Variants in SMAD5 observed in about 807,000 individuals in gnomAD.
SMAD5 encodes SMAD family member 5, also known as MAD, mothers against decapentaplegic homolog 5.
A neutral mutation model predicts 43.1 loss-of-function variants in SMAD5; 9 were observed. That is an observed-to-expected ratio of 0.21 (90% CI 0.13 to 0.36). SMAD5 has a LOEUF of 0.36. Among genes scored for constraint, SMAD5 ranks in the 10% least tolerant of loss-of-function variants. SMAD5 has a pLI of 1.00. For missense variants in SMAD5, 348 were observed against 574.0 expected (o/e 0.61, Z 4.02); for synonymous variants, 190 against 192.4 (o/e 0.99, Z 0.10).
At chr5:136,143,943 C>T (rs1452635181) in intron 1 of SMAD5, among the ~76,000 whole-genome samples, 1 of 151,928 alleles carries the variant, frequency 6.6e-6, no homozygotes, top group Non-Finnish European at 1.5e-5. Context: ...TCACTTTTTT[C>T]TTCTTCCACT....
Position 136,178,628 on chromosome 5 carries a change from A to T in SMAD5, c.*1148A>T, listed in dbSNP as rs1050656924. ...TAATCCCATTGCTCTTACAAGTGTC[A>T]GCTTACTTGTATCAGCCTCCCTACG... On this transcript the variant is annotated 3_prime_UTR_variant, in exon 8 of 8. Coordinates refer to ENST00000545279, the MANE Select transcript of SMAD5 (RefSeq NM_005903.7). 2 of 152,208 alleles carry T rather than the reference A, an allele frequency of 1.3e-5. No individual in the cohort carries two copies. Among genetic ancestry groups the T allele is most frequent in the Admixed American group, 6.5e-5 (1 of 15,284 alleles). The allele number at this position is 152,208 out of a possible 1,614,324, so 9.4% of individuals were successfully genotyped here.
intron 1 of SMAD5, among the ~76,000 whole-genome samples, chr5:136,138,584 CAGT>C (rs745540993): frequency 2.6e-5 from 4 of 152,238 alleles, no homozygotes; most frequent in South Asian, 4.2e-4. Flanking sequence ...GATGGTTTGA[CAGT>C]GGTGGTGGTG....
At chr5:136,170,009 T>C (rs1754159607) in intron 5 of SMAD5, among the ~76,000 whole-genome samples, 1 of 152,172 alleles carries the variant, frequency 6.6e-6, no homozygotes, top group Non-Finnish European at 1.5e-5. Context: ...TTTTATCAGA[T>C]AGAACTTTTT....
intron 1 of SMAD5, among the ~76,000 whole-genome samples, chr5:136,139,269 T>G (rs1752991954): frequency 1.3e-5 from 2 of 152,064 alleles, no homozygotes; most frequent in African/African-American, 4.8e-5. Context: ...TCCATAACCT[T>G]AGGTAAGAAC....
In SMAD5 at chr5:136,165,672, T is replaced by A. The variant is rs1281907712; in HGVS notation, c.775+2281T>A. 1.6e-3 allele frequency among the ~76,000 whole-genome samples: 98 copies of A among 60,604 alleles called. 11 individuals are homozygous for A. The highest frequency in any genetic ancestry group is 0.01 in the African/African-American group (92 of 8,858). The allele number at this position is 60,604 out of a possible 152,430, so 39.8% of individuals were successfully genotyped here. On this transcript the variant is annotated intron_variant, in intron 5 of 7. Transcript: ENST00000545279. ...AAATGGAATCATACAATTTTTTTTT[T>A]TTTTTTTTTTTTTTTTTTTTTTTTT...
chr5:136,137,596 A>G (rs775944444), intron 1 of SMAD5, among the ~76,000 whole-genome samples: 39 of 152,220 alleles, frequency 2.6e-4, no homozygotes, highest in Non-Finnish European at 4.7e-4. Flanking sequence ...CTAGTATCCT[A>G]TCTGGTAGGC....
chr5:136,148,760 T>C (rs2149765308), intron 2 of SMAD5, among the ~76,000 whole-genome samples: 1 of 151,926 alleles, frequency 6.6e-6, no homozygotes, highest in Admixed American at 6.6e-5. Context: ...TTATAAACTT[T>C]GGAAATCTTG....
In SMAD5 at chr5:136,178,417, T is replaced by TA. The variant is rs1754503874; in HGVS notation, c.*938dup. ...TAGATGCTTATCCTTACGTCCTTGG[T>TA]ACCTTTTTTGTATTAACAAACACTG... is the stretch of plus-strand genomic sequence containing the variant. On this transcript the variant is annotated 3_prime_UTR_variant, in exon 8 of 8. Transcript: ENST00000545279. 6.5e-6 allele frequency: 1 copy of TA among 152,698 alleles called. No homozygotes were observed. The highest frequency in any genetic ancestry group is 1.5e-5 in the Non-Finnish European group (1 of 68,054). The allele number at this position is 152,698 out of a possible 1,614,324, so 9.5% of individuals were successfully genotyped here. A position where few individuals can be genotyped will look rare whatever the true frequency, so the allele number is the denominator to read the frequency against.
chr5:136,140,274 C>G (rs374490822), intron 1 of SMAD5, among the ~76,000 whole-genome samples: 101 of 152,180 alleles, frequency 6.6e-4, no homozygotes, highest in African/African-American at 2.4e-3. Context: ...TTGCCCACCT[C>G]GGCCCAGGAT....
intron 3 of SMAD5, 65 bp from the exon 4 acceptor site, chr5:136,160,791 C>G: frequency 6.5e-7 from 1 of 1,541,796 alleles, no homozygotes; most frequent in African/African-American, 1.4e-5. Context: ...CTACCAACCC[C>G]TTAGTGTGGA....
At chr5:136,176,358 G>C (rs747494206) in intron 7 of SMAD5, among the ~76,000 whole-genome samples, 1 of 148,576 alleles carries the variant, frequency 6.7e-6, no homozygotes, top group Non-Finnish European at 1.5e-5. Context: ...GGGAGGCTGA[G>C]ACAGGAGAAT....
chr5:136,175,693 G>A (rs898567784), intron 7 of SMAD5, among the ~76,000 whole-genome samples: 2 of 152,164 alleles, frequency 1.3e-5, no homozygotes, highest in Admixed American at 1.3e-4. Flanking sequence ...CACACGCTGT[G>A]CATGGGTTTT....
At position 136,160,861 on chromosome 5, in the gene SMAD5, C is replaced by T; in HGVS notation, c.409C>T (p.Pro137Ser). The change falls in exon 4 of 8, where the codon CCT (proline) becomes TCT (serine). Residue 137 changes from proline to serine, a missense_variant. Physicochemically the swap from Pro to Ser is moderately conservative, Grantham distance 74. Coordinates refer to ENST00000545279, the MANE Select transcript of SMAD5 (RefSeq NM_005903.7). Reference protein sequence around the residue: ...HYKRVESPVLPPVLVPRHNEF... With the variant: ...HYKRVESPVLSPVLVPRHNEF... ...TTTTGATTTTTGTTTTTCAGTCTTA[C>T]CTCCAGTATTAGTGCCTCGTCATAA... The T allele has an allele frequency of 6.2e-7, 1 of 1,613,528 alleles. No homozygotes were observed. Among genetic ancestry groups the T allele is most frequent in the South Asian group, 1.1e-5 (1 of 91,008 alleles).
intron 1 of SMAD5, chr5:136,133,533 T>C: frequency 6.6e-6 from 1 of 152,506 alleles, no homozygotes; most frequent in Non-Finnish European, 1.5e-5. Context: ...TAGTTAGACC[T>C]GGTTTCTGCC....
At chr5:136,154,275 C>T (rs1753561770) in intron 3 of SMAD5, 112 bp downstream of exon 3, 1 of 667,522 alleles carries the variant, frequency 1.5e-6, no homozygotes, top group Admixed American at 3.7e-5. Context: ...TTTGTGTTTC[C>T]ATCTTAAATA....
chr5:136,144,989 A>AT (rs1491318092), intron 1 of SMAD5, among the ~76,000 whole-genome samples: 1 of 151,952 alleles, frequency 6.6e-6, no homozygotes, highest in Non-Finnish European at 1.5e-5. Flanking sequence ...GAAAAAAAAA[A>AT]GAGTTAAAAG....
intron 2 of SMAD5, among the ~76,000 whole-genome samples, 164 bp from the exon 3 acceptor site, chr5:136,153,428 A>G (rs538193375): frequency 6.6e-6 from 1 of 151,250 alleles, no homozygotes; most frequent in East Asian, 1.9e-4. Context: ...TGGGGAAGGA[A>G]TCGAGTGGTC....
Position 136,160,485 on chromosome 5 carries a change from G to GT in SMAD5, c.404-364dup, listed in dbSNP as rs1299910366. Among the ~76,000 whole-genome samples the GT allele has an allele frequency of 7.9e-5, 12 of 152,136 alleles. No individual in the cohort carries two copies. In the South Asian group the frequency reaches 1.0e-3, roughly 13 times the overall value. On this transcript the variant is annotated intron_variant, in intron 3 of 7. Transcript: ENST00000545279. ...GTATCTTTAAGGTTCAGTCAGGTAT[G>GT]TTTTTTTCTTACAGTATTTTGTTTG...
At chr5:136,157,177 C>T (rs1006235493) in intron 3 of SMAD5, among the ~76,000 whole-genome samples, 36 of 152,110 alleles carry the variant, frequency 2.4e-4, no homozygotes, top group African/African-American at 8.7e-4. Context: ...GAAACAAAGA[C>T]TTAAAAGGGA....
Sources: gnomAD v4.1 joint callset for allele counts (sites outside exome capture counted in the v4.1 genomes callset) on GRCh38, gnomAD v4.1.1 for gene constraint, MANE v1.5 for transcripts, NCBI Gene and HGNC (gene_info 2026-07-23, HGNC 2026-07-21) for gene names.